Variants in RBFOX1 observed in about 807,000 individuals in gnomAD.
RBFOX1 encodes RNA binding fox-1 homolog 1.
Under a neutral mutation model 57.7 loss-of-function variants are expected in RBFOX1, and 8 were observed. That is an observed-to-expected ratio of 0.14 (90% CI 0.08 to 0.25). The LOEUF (loss-of-function observed/expected upper bound fraction) is 0.25. Ranked by LOEUF, RBFOX1 falls within the 10% of genes least tolerant of loss-of-function variation. The probability of loss-of-function intolerance (pLI) is 1.00; values close to 1 mark genes in which losing one functional copy is unlikely to be tolerated. For synonymous variants in RBFOX1, 326 were observed against 222.4 expected, an observed-to-expected ratio of 1.47 and a Z score of -4.15; for missense variants, 611 against 548.5, an observed-to-expected ratio of 1.11 and a Z score of -1.14.
rs572267220 is a variant in RBFOX1, at chr16:7,304,501, G to A, written c.28-213646G>A. The A allele has an allele frequency of 1.8e-5, 18 of 985,314 alleles. No individual in the cohort carries two copies. In the East Asian group the frequency reaches 3.4e-4, roughly 19 times the overall value. The allele number at this position is 985,314 out of a possible 1,614,324, so 61.0% of individuals were successfully genotyped here. A position where few individuals can be genotyped will look rare whatever the true frequency, so the allele number is the denominator to read the frequency against. ...CTTACAGCAGGTAAGGCGCGCGTCT[G>A]CCCTCGGTGGCTGCTTTCCTGGGGC... is the stretch of plus-strand genomic sequence containing the variant. On this transcript the variant is annotated intron_variant, in intron 4 of 15. Coordinates refer to ENST00000550418, the MANE Select transcript of RBFOX1 (RefSeq NM_018723.4).
intron 3 of RBFOX1, among the ~76,000 whole-genome samples, chr16:5,768,355 G>C (rs1193095462): frequency 1.3e-5 from 2 of 152,176 alleles, no homozygotes; most frequent in Non-Finnish European, 2.9e-5. Flanking sequence ...AAATGTTAGA[G>C]TCCTACGGCT....
chr16:6,450,836 T>C (rs1255667570), intron 2 of RBFOX1, among the ~76,000 whole-genome samples: 4 of 17,282 alleles, frequency 2.3e-4, no homozygotes, highest in African/African-American at 6.2e-4. Context: ...TATATATATA[T>C]GTGTATATAT....
At chr16:5,408,392 G>T (rs1211209605) in intron 1 of RBFOX1, among the ~76,000 whole-genome samples, 2 of 152,164 alleles carry the variant, frequency 1.3e-5, no homozygotes, top group Non-Finnish European at 1.5e-5. Context: ...CAGGCTGGGG[G>T]CAGCATGGGA....
intron 3 of RBFOX1, among the ~76,000 whole-genome samples, chr16:5,694,161 G>C (rs9635554): frequency 6.6e-6 from 1 of 152,054 alleles, no homozygotes; most frequent in Admixed American, 6.5e-5. Context: ...CAAAATGTGT[G>C]GCCGGGGATT....
Position 6,424,364 on chromosome 16 carries a change from C to T in RBFOX1, c.-64+107307C>T, listed in dbSNP as rs375696016. Among the ~76,000 whole-genome samples, 43 of 152,246 alleles carry T rather than the reference C, an allele frequency of 2.8e-4. No homozygotes were observed. In the East Asian group the frequency reaches 4.2e-3, roughly 15 times the overall value. Reference sequence around the variant, plus strand: ...TATCAAAGATAAATTGAGATTATGTCTCATTCCACTGGGTGCTTCCATTAT... The same window carrying T: ...TATCAAAGATAAATTGAGATTATGTTTCATTCCACTGGGTGCTTCCATTAT... On this transcript the variant is annotated intron_variant, in intron 2 of 15. Coordinates refer to ENST00000550418, the MANE Select transcript of RBFOX1 (RefSeq NM_018723.4).
At chr16:7,116,606 G>A (rs1382476) in intron 4 of RBFOX1, among the ~76,000 whole-genome samples, 32,316 of 152,046 alleles carry the variant, frequency 0.21, 4,231 homozygotes, top group East Asian at 0.39. Context: ...GAAAAACAAA[G>A]CCCACAGCAG....
intron 4 of RBFOX1, among the ~76,000 whole-genome samples, chr16:5,988,904 C>T (rs569204553): frequency 2.8e-4 from 43 of 152,196 alleles, no homozygotes; most frequent in African/African-American, 8.9e-4. Flanking sequence ...TAGAGAATAT[C>T]GCTCTGGCTT....
intron 3 of RBFOX1, among the ~76,000 whole-genome samples, chr16:5,699,760 C>T (rs1423768987): frequency 6.6e-6 from 1 of 152,150 alleles, no homozygotes; most frequent in African/African-American, 2.4e-5. Context: ...ACCAACAATG[C>T]CAAGGTTGAG....
chr16:6,998,364 A>G (rs886465638), intron 3 of RBFOX1, among the ~76,000 whole-genome samples: 7 of 152,168 alleles, frequency 4.6e-5, no homozygotes, highest in Non-Finnish European at 1.0e-4. Flanking sequence ...TCCAAGAAAT[A>G]ATAAGATGCT....
chr16:7,707,903 C>T (rs963957722), intron 14 of RBFOX1, among the ~76,000 whole-genome samples: 1 of 152,264 alleles, frequency 6.6e-6, no homozygotes, highest in East Asian at 1.9e-4. Context: ...GGAATCTATT[C>T]CAGTATCAGC....
chr16:5,821,810 C>A (rs897440952), intron 3 of RBFOX1, among the ~76,000 whole-genome samples: 1 of 152,126 alleles, frequency 6.6e-6, no homozygotes, highest in Non-Finnish European at 1.5e-5. Context: ...AGGATGGTCT[C>A]TTGCTGCTGC....
At chr16:6,947,383 G>A (rs552667203) in intron 3 of RBFOX1, among the ~76,000 whole-genome samples, 29 of 152,106 alleles carry the variant, frequency 1.9e-4, no homozygotes, top group Non-Finnish European at 2.8e-4. Flanking sequence ...CATCTTAATC[G>A]CTCTCCCTGG....
chr16:6,010,878 A>C (rs915910727), intron 4 of RBFOX1, among the ~76,000 whole-genome samples: 1 of 152,186 alleles, frequency 6.6e-6, no homozygotes, highest in East Asian at 1.9e-4. Context: ...ATGTGTCTTA[A>C]TCGAAGTATA....
chr16:5,241,916 C>T (rs576609070), intron 1 of RBFOX1, among the ~76,000 whole-genome samples: 27 of 151,456 alleles, frequency 1.8e-4, no homozygotes, highest in East Asian at 9.7e-4. Context: ...GCCTGGGCAA[C>T]GTGGTGAAGC....
chr16:7,353,603 C>T (rs948764962), intron 4 of RBFOX1, among the ~76,000 whole-genome samples: 6 of 152,142 alleles, frequency 3.9e-5, no homozygotes, highest in African/African-American at 1.2e-4. Context: ...GATGATATAG[C>T]ATACAATGGG....
intron 2 of RBFOX1, among the ~76,000 whole-genome samples, chr16:5,547,800 A>G (rs2045277182): frequency 6.6e-6 from 1 of 152,134 alleles, no homozygotes; most frequent in Non-Finnish European, 1.5e-5. Context: ...CAGGAACAGA[A>G]AACCAAATAC....
chr16:6,936,194 A>T (rs980505717), intron 3 of RBFOX1, among the ~76,000 whole-genome samples: 3 of 152,184 alleles, frequency 2.0e-5, no homozygotes, highest in Non-Finnish European at 4.4e-5. Context: ...CAAGGATATT[A>T]CCTTAAGGAT....
At chr16:6,016,181 C>A (rs1173162901), upstream of RBFOX1, among the ~76,000 whole-genome samples, 1 of 152,178 alleles carries the variant, frequency 6.6e-6, no homozygotes, top group Non-Finnish European at 1.5e-5. Flanking sequence ...ACAACATTTA[C>A]AGTAAGCTGA....
At chr16:5,635,890 G>T (rs985436306) in intron 3 of RBFOX1, among the ~76,000 whole-genome samples, 1 of 152,140 alleles carries the variant, frequency 6.6e-6, no homozygotes, top group South Asian at 2.1e-4. Context: ...AGCTAGACAG[G>T]TCTAGGATGA....
Sources: gnomAD v4.1 joint callset for allele counts (sites outside exome capture counted in the v4.1 genomes callset) on GRCh38, gnomAD v4.1.1 for gene constraint, MANE v1.5 for transcripts, NCBI Gene and HGNC (gene_info 2026-07-23, HGNC 2026-07-21) for gene names.